Variants in FRMD4A observed in about 807,000 individuals in gnomAD.
The protein encoded by FRMD4A is FERM domain-containing protein 4A.
A neutral mutation model predicts 129.1 loss-of-function variants in FRMD4A; 29 were observed. That is an observed-to-expected ratio of 0.22 (90% CI 0.17 to 0.31). FRMD4A has a LOEUF of 0.31. Ranked by LOEUF, FRMD4A falls within the 10% of genes least tolerant of loss-of-function variation. The probability of loss-of-function intolerance (pLI) is 1.00; values close to 1 mark genes in which losing one functional copy is unlikely to be tolerated. For missense variants in FRMD4A, 1,272 were observed against 1,375.8 expected (o/e 0.92, Z 1.19); for synonymous variants, 634 against 571.6 (o/e 1.11, Z -1.56).
chr10:14,052,488 C>G (rs554550474), intron 2 of FRMD4A, among the ~76,000 whole-genome samples: 1 of 152,066 alleles, frequency 6.6e-6, no homozygotes, highest in Non-Finnish European at 1.5e-5. Flanking sequence ...TTACTCATGG[C>G]AGAAAAGAAG....
At chr10:14,276,535 G>A (rs1188218889) in intron 2 of FRMD4A, among the ~76,000 whole-genome samples, 17 of 152,176 alleles carry the variant, frequency 1.1e-4, no homozygotes, top group Admixed American at 6.5e-5. Context: ...CAGGAACTCC[G>A]TGTCCCCATT....
chr10:14,009,145 CCTT>C (rs1176685425), intron 2 of FRMD4A, among the ~76,000 whole-genome samples: 2 of 152,284 alleles, frequency 1.3e-5, no homozygotes, highest in African/African-American at 4.8e-5. Flanking sequence ...GATCACACAG[CCTT>C]CTTTGATGGA....
chr10:13,812,079 C>T (rs929575510), intron 3 of FRMD4A, among the ~76,000 whole-genome samples: 14 of 152,108 alleles, frequency 9.2e-5, no homozygotes, highest in African/African-American at 3.4e-4. Context: ...GACAGGGTTT[C>T]ACCATGTTGT....
intron 2 of FRMD4A, among the ~76,000 whole-genome samples, chr10:14,004,529 G>A (rs560451814): frequency 8.5e-5 from 13 of 152,078 alleles, no homozygotes; most frequent in East Asian, 3.9e-4. Flanking sequence ...GCAACACAGC[G>A]AGACTCTGTC....
At chr10:13,691,304 G>A (rs1398364260) in intron 15 of FRMD4A, among the ~76,000 whole-genome samples, 3 of 152,160 alleles carry the variant, frequency 2.0e-5, no homozygotes, top group Admixed American at 6.5e-5. Flanking sequence ...CATTTCTGAT[G>A]GTGCATGATG....
rs150896917 is a variant in FRMD4A at position 14,263,991 on chromosome 10, C to G, written c.45+66067G>C. Among the ~76,000 whole-genome samples the G allele has an allele frequency of 2.3e-4, 35 of 152,316 alleles. No individual in the cohort carries two copies. The East Asian group carries it at 5.4e-3, about 23-fold the overall frequency. On this transcript the variant is annotated intron_variant, in intron 2 of 24. Transcript: ENST00000357447. ...TCCAGTGAGCGAGCATTGCACCAAC[C>G]ACAAAGAGCTGCTGCATTAATTACA...
At chr10:13,738,224 GCT>G (rs374408556) in intron 11 of FRMD4A, among the ~76,000 whole-genome samples, 68 of 151,976 alleles carry the variant, frequency 4.5e-4, no homozygotes, top group African/African-American at 1.2e-3. Context: ...CCCTGCTTGC[GCT>G]CTCTCTCTCT....
At chr10:13,805,672 C>T (rs755385167) in intron 4 of FRMD4A, among the ~76,000 whole-genome samples, 3 of 152,092 alleles carry the variant, frequency 2.0e-5, no homozygotes, top group Non-Finnish European at 4.4e-5. Context: ...CCCTGGCTCA[C>T]AAGCTACTTC....
rs189100261 is a variant in FRMD4A at position 14,048,907 on chromosome 10, T to G, written c.46-189995A>C. ...GAATAGAATAGAATAGAATAGAAAA[T>G]AAAATGAAATATGGTGGGAGTAGGA... On this transcript the variant is annotated intron_variant, in intron 2 of 24. Transcript: ENST00000357447. Among the ~76,000 whole-genome samples, 61 of 145,104 alleles carry G rather than the reference T, an allele frequency of 4.2e-4. 1 individual carries two copies. The East Asian group carries it at 5.8e-3, about 14-fold the overall frequency.
chr10:14,128,685 T>C (rs990562097), intron 2 of FRMD4A, among the ~76,000 whole-genome samples: 7 of 152,200 alleles, frequency 4.6e-5, no homozygotes, highest in African/African-American at 1.7e-4. Context: ...CTCCTAGTTT[T>C]GTAATGAGAA....
rs1472308389 is a variant in FRMD4A at position 13,740,187 on chromosome 10, T to A, written c.672+7A>T. Reference sequence around the variant, plus strand: ...TTTGGTAACCTTCACCAAATGAGTCTACTCACCTTCACTGCATAATAGTGA... The same window carrying A: ...TTTGGTAACCTTCACCAAATGAGTCAACTCACCTTCACTGCATAATAGTGA... On this transcript the variant is annotated splice_region_variant and intron_variant, in intron 11 of 24. Coordinates refer to ENST00000357447, the MANE Select transcript of FRMD4A (RefSeq NM_018027.5). 5 of 1,554,736 alleles carry A rather than the reference T, an allele frequency of 3.2e-6. No individual in the cohort carries two copies. In the South Asian group the frequency reaches 4.5e-5, roughly 14 times the overall value.
intron 2 of FRMD4A, among the ~76,000 whole-genome samples, chr10:14,112,428 A>C (rs1428808384): frequency 6.6e-6 from 1 of 152,178 alleles, no homozygotes; most frequent in African/African-American, 2.4e-5. Context: ...CTTGCAATTT[A>C]TTTCAAAAGA....
chr10:13,881,734 G>A (rs1367051384), intron 2 of FRMD4A, among the ~76,000 whole-genome samples: 1 of 151,992 alleles, frequency 6.6e-6, no homozygotes, highest in Non-Finnish European at 1.5e-5. Context: ...GCGACGGTGG[G>A]AGGCATGTGA....
intron 2 of FRMD4A, among the ~76,000 whole-genome samples, chr10:13,892,054 C>A (rs1330361017): frequency 6.6e-6 from 1 of 151,426 alleles, no homozygotes; most frequent in African/African-American, 2.4e-5. Flanking sequence ...GGGACGCCCC[C>A]AGTCGCCGCC....
chr10:13,692,087 T>G (rs2085749582), intron 15 of FRMD4A: 1 of 150,212 alleles, frequency 6.7e-6, no homozygotes, highest in Non-Finnish European at 1.5e-5. Flanking sequence ...CCAGGTGATG[T>G]GGCAGAGGCA....
At chr10:13,888,850 T>C (rs2610796) in intron 2 of FRMD4A, among the ~76,000 whole-genome samples, 149,671 of 152,342 alleles carry the variant, frequency 0.98, 73,581 homozygotes, top group Middle Eastern at 1. Context: ...TTTCTCATTT[T>C]GACATATTGA....
chr10:14,114,449 T>C (rs1838094291), intron 2 of FRMD4A, among the ~76,000 whole-genome samples: 1 of 152,218 alleles, frequency 6.6e-6, no homozygotes. Context: ...AGTCTTCACT[T>C]GGAATGGATT....
At chr10:13,687,949 C>CA (rs1274378044) in intron 15 of FRMD4A, among the ~76,000 whole-genome samples, 2 of 152,180 alleles carry the variant, frequency 1.3e-5, no homozygotes. Flanking sequence ...TAAGGGCCTC[C>CA]ACTTAAATAC....
At chr10:14,216,585 G>A (rs1011094414) in intron 2 of FRMD4A, among the ~76,000 whole-genome samples, 3 of 152,230 alleles carry the variant, frequency 2.0e-5, no homozygotes, top group East Asian at 1.9e-4. Flanking sequence ...AATATCCTTG[G>A]TCACTGGAAG....
Sources: allele counts gnomAD v4.1 joint callset (sites outside exome capture counted in the v4.1 genomes callset), GRCh38; gene constraint gnomAD v4.1.1; transcripts MANE v1.5; gene names NCBI Gene and HGNC (gene_info 2026-07-23, HGNC 2026-07-21).